Variants in MCM3 observed in about 807,000 individuals in gnomAD.
The protein encoded by MCM3 is minichromosome maintenance complex component 3.
Under a neutral mutation model 91.3 loss-of-function variants are expected in MCM3, and 59 were observed. The ratio of observed to expected loss-of-function variants is 0.65; its 90% CI spans 0.52 to 0.80. MCM3 has a LOEUF of 0.80. Ranked by LOEUF, MCM3 falls within the 30% of genes least tolerant of loss-of-function variation. The pLI, the probability that MCM3 is intolerant of heterozygous loss-of-function variation, is 0.00. For missense variants in MCM3, 919 were observed against 1,035.4 expected (o/e 0.89, Z 1.54); for synonymous variants, 383 against 379.6 (o/e 1.01, Z -0.10).
intron 12 of MCM3, among the ~76,000 whole-genome samples, chr6:52,271,517 C>T (rs1765126312): frequency 6.6e-6 from 1 of 152,126 alleles, no homozygotes; most frequent in Non-Finnish European, 1.5e-5. Flanking sequence ...TGGTGCATGC[C>T]TGTAATCCCA....
At chr6:52,267,532 T>C (rs1272920073) in intron 14 of MCM3, among the ~76,000 whole-genome samples, 1 of 150,044 alleles carries the variant, frequency 6.7e-6, no homozygotes, top group Admixed American at 6.6e-5. Flanking sequence ...TTACTACTTT[T>C]TTTTTTTTTT....
rs758234731 is a variant in MCM3, at chr6:52,282,689, T to A, written c.364A>T (p.Ser122Cys). Residue 122 changes from serine to cysteine, a missense_variant, in exon 3 of 17, where the codon AGC becomes TGC. Ser to Cys is a moderately radical substitution (Grantham distance 112). This residue lies in a region of MCM3 where 401 missense variants were observed against 402.7 expected (regional missense o/e 1.00). Coordinates refer to ENST00000596288, the MANE Select transcript of MCM3 (RefSeq NM_002388.6). Reference sequence around the variant, plus strand: ...ATGCCCTCCACACAGACCACACAGCTGAGGAAGCAGGAGGTAAGAGTCCGC... The same window carrying A: ...ATGCCCTCCACACAGACCACACAGCAGAGGAAGCAGGAGGTAAGAGTCCGC... ...SPRTLTSCFL[S>C]CVVCVEGIVT... is the part of the protein sequence containing the mutation. 2 of 1,613,704 alleles carry A rather than the reference T, an allele frequency of 1.2e-6. No individual in the cohort carries two copies. Among genetic ancestry groups the A allele is most frequent in the Admixed American group, 1.7e-5 (1 of 60,026 alleles).
intron 4 of MCM3, among the ~76,000 whole-genome samples, chr6:52,281,332 T>C (rs1003303492): frequency 3.5e-4 from 53 of 152,226 alleles, no homozygotes; most frequent in Non-Finnish European, 1.5e-5. Context: ...ACTTCTTCTT[T>C]TGACTATTCC....
chr6:52,273,651 A>G, intron 10 of MCM3, 91 bp downstream of exon 10: 2 of 1,366,096 alleles, frequency 1.5e-6, no homozygotes, highest in Non-Finnish European at 2.0e-6. Context: ...CCGGACACTG[A>G]AACACCTACC....
chr6:52,271,961 G>A (rs985897935), intron 12 of MCM3, among the ~76,000 whole-genome samples: 4 of 152,046 alleles, frequency 2.6e-5, no homozygotes, highest in Admixed American at 6.6e-5. Context: ...TGCTTCCCCC[G>A]CTCCGGATCT....
chr6:52,284,482 G>C, intron 1 of MCM3, 115 bp downstream of exon 1: 2 of 916,130 alleles, frequency 2.2e-6, no homozygotes, highest in Non-Finnish European at 3.2e-6. Context: ...GCTCGGGCCC[G>C]GCAGGCTCCG....
chr6:52,282,765 C>T lies in MCM3; in HGVS notation c.288G>A (p.Glu96=). 2.5e-6 allele frequency: 4 copies of T among 1,614,096 alleles called. No individual in the cohort carries two copies. Among genetic ancestry groups the T allele is most frequent in the Non-Finnish European group, 3.4e-6 (4 of 1,180,034 alleles). ...TGCCTTCCAGTCCTACGTAGAACTC[C>T]TCATACTGCTTGGCATAGGTAGCAT... ...SIDATYAKQY[E]EFYVGLEGSF... The change falls in exon 3 of 17, where the codon GAG becomes GAA. Residue 96 remains glutamate, a synonymous_variant. Coordinates refer to ENST00000596288, the MANE Select transcript of MCM3 (RefSeq NM_002388.6).
At chr6:52,270,743 C>A (rs187217866) in intron 12 of MCM3, among the ~76,000 whole-genome samples, 2 of 151,994 alleles carry the variant, frequency 1.3e-5, no homozygotes, top group African/African-American at 4.8e-5. Flanking sequence ...ACCAGAAGTT[C>A]GCATGTGGAA....
At chr6:52,271,843 C>G (rs554471117) in intron 12 of MCM3, among the ~76,000 whole-genome samples, 10 of 152,284 alleles carry the variant, frequency 6.6e-5, no homozygotes, top group African/African-American at 1.9e-4. Flanking sequence ...AAGAAATTAA[C>G]AGTTTATTCG....
intron 14 of MCM3, among the ~76,000 whole-genome samples, chr6:52,266,903 C>T (rs77862001): frequency 3.0e-4 from 45 of 152,276 alleles, no homozygotes; most frequent in Non-Finnish European, 4.7e-4. Flanking sequence ...TGCTTCCCAA[C>T]GCTCTTTTCC....
chr6:52,282,587 G>T, intron 3 of MCM3, 66 bp downstream of exon 3: 2 of 1,481,962 alleles, frequency 1.3e-6, no homozygotes, highest in Non-Finnish European at 1.9e-6. Flanking sequence ...GATCTACTTT[G>T]CCTCTCCTGC....
rs1766155063 is a variant in MCM3 at position 52,282,129 on chromosome 6, A to C, written c.447T>G (p.Pro149=). The C allele has an allele frequency of 6.2e-7, 1 of 1,614,100 alleles. No individual in the cohort carries two copies. The highest frequency in any genetic ancestry group is 8.5e-7 in the Non-Finnish European group (1 of 1,179,952). Residue 149 remains proline (P), a synonymous_variant, in exon 4 of 17, where the codon CCT becomes CCG. Transcript: ENST00000596288. ...GTCGCTCTATGGTCTTCTTAGTAGC[A>C]GGACAGTAGTGGACACTGCGGACGA... ...PKVVRSVHYC[P]ATKKTIERRY...
Position 52,276,361 on chromosome 6 carries a change from C to T in MCM3, c.1281G>A (p.Glu427=), listed in dbSNP as rs1323052843. Residue 427 remains glutamate, a synonymous_variant, in exon 9 of 17, where the codon GAG becomes GAA. Coordinates refer to ENST00000596288, the MANE Select transcript of MCM3 (RefSeq NM_002388.6). ...MDRTAIHEVM[E]QGRVTIAKAG... ...CCTTGGCAATGGTCACTCGACCCTG[C>T]TCCATCACTTCATGGATGGCTGTGC... 1.2e-5 allele frequency: 20 copies of T among 1,613,994 alleles called. No individual in the cohort carries two copies. The highest frequency in any genetic ancestry group is 1.7e-5 in the Non-Finnish European group (20 of 1,180,032).
chr6:52,273,384 G>T, intron 10 of MCM3, 28 bp from the exon 11 acceptor site: 1 of 1,612,096 alleles, frequency 6.2e-7, no homozygotes, highest in South Asian at 1.1e-5. Context: ...GGAGAAAGGA[G>T]AGTAATAAAG....
Position 52,266,101 on chromosome 6 carries a change from G to A in MCM3, c.2202C>T (p.Ser734=), listed in dbSNP as rs1446570828. 3.7e-6 allele frequency: 6 copies of A among 1,613,902 alleles called. No homozygotes were observed. Among genetic ancestry groups the A allele is most frequent in the Non-Finnish European group, 4.2e-6 (5 of 1,179,966 alleles). The change falls in exon 16 of 17, where the codon TCC becomes TCT. Residue 734 remains serine (S), a synonymous_variant. Transcript: ENST00000596288. ...TGGATTCACTCAACTCCACTTTCTGGGATTCCTTGGTCTCCTGTGAGTCTG... is the reference window on the plus strand; with the variant it reads ...TGGATTCACTCAACTCCACTTTCTGAGATTCCTTGGTCTCCTGTGAGTCTG... The part of the protein sequence containing the change: ...KTADSQETKE[S]QKVELSESRL...
chr6:52,277,731 G>A (rs370527008), intron 6 of MCM3, 43 bp from the exon 7 acceptor site: 1 of 1,577,698 alleles, frequency 6.3e-7, no homozygotes, highest in Non-Finnish European at 8.7e-7. Context: ...GAGATTCAAT[G>A]GGACTTTGTG....
At chr6:52,269,732 AAGG>A (rs753682661) in intron 12 of MCM3, among the ~76,000 whole-genome samples, 3 of 152,204 alleles carry the variant, frequency 2.0e-5, no homozygotes, top group East Asian at 1.9e-4. Context: ...CAGTCCGGAG[AAGG>A]AGAACTCTGA....
At chr6:52,282,905 C>A (rs1562401059) in intron 2 of MCM3, 44 bp from the exon 3 acceptor site, 9 of 1,402,140 alleles carry the variant, frequency 6.4e-6, no homozygotes, top group Admixed American at 5.7e-5. Flanking sequence ...GGGCAGAACT[C>A]AAAAAAATGG....
At chr6:52,270,790 G>T (rs1368338034) in intron 12 of MCM3, among the ~76,000 whole-genome samples, 1 of 152,194 alleles carries the variant, frequency 6.6e-6, no homozygotes, top group African/African-American at 2.4e-5. Context: ...GTTTAATGAG[G>T]AAGACAGGCG....
Sources: allele counts gnomAD v4.1 joint callset (sites outside exome capture counted in the v4.1 genomes callset), GRCh38; gene constraint gnomAD v4.1.1; regional missense constraint gnomAD v4.1.1; transcripts MANE v1.5; gene names NCBI Gene and HGNC (gene_info 2026-07-23, HGNC 2026-07-21).